The following TMF1 variants were observed in gnomAD, a reference collection of about 807,000 sequenced individuals.
TMF1 encodes TATA element modulatory factor 1.
A neutral mutation model predicts 126.5 loss-of-function variants in TMF1; 71 were observed. That is an observed-to-expected ratio of 0.56 (90% CI 0.46 to 0.68). The LOEUF (loss-of-function observed/expected upper bound fraction) is 0.68. TMF1 is among the 30% of genes least tolerant of loss of function. TMF1 has a pLI of 0.00. For missense variants in TMF1, 1,259 were observed against 1,253.2 expected (o/e 1.00, Z -0.07); for synonymous variants, 461 against 430.5 (o/e 1.07, Z -0.88).
chr3:69,029,167 G>A (rs889604179), intron 11 of TMF1, among the ~76,000 whole-genome samples: 1 of 151,750 alleles, frequency 6.6e-6, no homozygotes, highest in Non-Finnish European at 1.5e-5. Context: ...CCGAGTAGCT[G>A]GAATTACAGG....
intron 8 of TMF1, chr3:69,035,496 A>G: frequency 6.0e-6 from 1 of 166,334 alleles, no homozygotes; most frequent in Non-Finnish European, 1.3e-5. Flanking sequence ...CATACATTAT[A>G]AACTACCATA....
rs1465063845 is a variant in TMF1 at position 69,044,477 on chromosome 3, T to G, written c.1451+15A>C. ...AGAAAATGTGTAACATTATTCACAT[T>G]TGCAGAATACTTACTCTTTCAGGTT... On this transcript the variant is annotated intron_variant, in intron 3 of 16. Transcript: ENST00000398559. 1 of 1,401,620 alleles carries G rather than the reference T, an allele frequency of 7.1e-7. No individual in the cohort carries two copies. The highest frequency in any genetic ancestry group is 1.2e-5 in the South Asian group (1 of 81,180). 86.8% of individuals were successfully genotyped at this position (1,401,620 alleles called of 1,614,324 possible).
At chr3:69,028,326 G>A in intron 11 of TMF1, 31 bp from the exon 12 acceptor site, 1 of 1,507,078 alleles carries the variant, frequency 6.6e-7, no homozygotes, top group African/African-American at 1.4e-5. Context: ...TAAAAAAACA[G>A]AAAATGAAAA....
At chr3:69,034,121 T>C (rs1236653931) in intron 9 of TMF1, among the ~76,000 whole-genome samples, 2 of 152,104 alleles carry the variant, frequency 1.3e-5, no homozygotes, top group African/African-American at 4.8e-5. Context: ...CCCTTAATTA[T>C]TTTTCTAACT....
At chr3:69,032,689 C>T (rs1280301868) in intron 10 of TMF1, among the ~76,000 whole-genome samples, 1 of 150,616 alleles carries the variant, frequency 6.6e-6, no homozygotes, top group African/African-American at 2.4e-5. Flanking sequence ...CAGCTCACTG[C>T]AGCCTCTGCT....
rs772589382 is a variant in TMF1, at chr3:69,025,693, G to C, written c.2879C>G (p.Ser960Ter). 5.6e-6 allele frequency: 9 copies of C among 1,613,708 alleles called. No homozygotes were observed. Among genetic ancestry groups the C allele is most frequent in the Non-Finnish European group, 7.6e-6 (9 of 1,179,854 alleles). ...FLSQDESHDH[S>*]FGPMPISANG... Reference sequence around the variant, plus strand: ...TGCTGATATAGGCATTGGTCCAAATGAGTGATCATGAGACTCATCCTATGT... The same window carrying C: ...TGCTGATATAGGCATTGGTCCAAATCAGTGATCATGAGACTCATCCTATGT... Residue 960 changes from serine (S) to a stop codon, truncating the protein, a stop_gained, in exon 15 of 17, where the codon TCA (serine) becomes TGA (stop). Coordinates refer to ENST00000398559, the MANE Select transcript of TMF1 (RefSeq NM_007114.3). LOFTEE classifies it high-confidence loss of function.
rs2107449534 is a variant in TMF1, at chr3:69,019,937, A to C, written c.*3240T>G. On this transcript the variant is annotated 3_prime_UTR_variant, in exon 17 of 17. Coordinates refer to ENST00000398559, the MANE Select transcript of TMF1 (RefSeq NM_007114.3). ...TTAAATCATACTTTCAGCCCTTTAC[A>C]AAATATGTGATTAAAGTTTTCATGG... 1 of 152,276 alleles carries C rather than the reference A, an allele frequency of 6.6e-6. No individual in the cohort carries two copies. Among genetic ancestry groups the C allele is most frequent in the South Asian group, 2.1e-4 (1 of 4,826 alleles). The allele number at this position is 152,276 out of a possible 1,614,324, so 9.4% of individuals were successfully genotyped here. A position where few individuals can be genotyped will look rare whatever the true frequency, so the allele number is the denominator to read the frequency against.
At position 69,038,988 on chromosome 3, in the gene TMF1, C is replaced by T. The variant is rs763915078; in HGVS notation, c.1849G>A (p.Val617Ile). Residue 617 changes from valine (V) to isoleucine (I), a missense_variant, in exon 7 of 17, where the codon GTT (valine) becomes ATT (isoleucine). Val to Ile is a conservative substitution (Grantham distance 29). Transcript: ENST00000398559. ...LKQVLDGKEEVEKQHRENIKK... is the reference protein window; with the variant it reads ...LKQVLDGKEEIEKQHRENIKK... ...ATATTTTCTCTATGTTGTTTCTCAA[C>T]CTCTTCTTTGCCATCAAGGACCTAT... 6.3e-7 allele frequency: 1 copy of T among 1,598,340 alleles called. No homozygotes were observed. The highest frequency in any genetic ancestry group is 8.5e-7 in the Non-Finnish European group (1 of 1,173,750).
chr3:69,037,769 G>A (rs1485761152), intron 8 of TMF1, among the ~76,000 whole-genome samples: 2 of 151,898 alleles, frequency 1.3e-5, no homozygotes, highest in Non-Finnish European at 2.9e-5. Flanking sequence ...TCGTGCCACT[G>A]TGCTCCAGTC....
Position 69,027,931 on chromosome 3 carries a change from G to T in TMF1, c.2726C>A (p.Ala909Asp). The T allele has an allele frequency of 6.3e-7, 1 of 1,586,446 alleles. No individual in the cohort carries two copies. Among genetic ancestry groups the T allele is most frequent in the Non-Finnish European group, 8.6e-7 (1 of 1,157,470 alleles). ...TTTTATTGTTTCTTGAGTAAAAATGGCTTTCTTCCTTTCTTGTTCAACTTT... is the reference window on the plus strand; with the variant it reads ...TTTTATTGTTTCTTGAGTAAAAATGTCTTTCTTCCTTTCTTGTTCAACTTT... ...RMKVEQERKK[A>D]IFTQETIKEK... Residue 909 changes from alanine (A) to aspartate (D), a missense_variant, in exon 13 of 17, where the codon GCC becomes GAC. Ala to Asp is a moderately radical substitution (Grantham distance 126). Coordinates refer to ENST00000398559, the MANE Select transcript of TMF1 (RefSeq NM_007114.3).
chr3:69,047,498 C>T lies in TMF1; in HGVS notation c.1207G>A (p.Val403Ile). 2.5e-6 allele frequency: 4 copies of T among 1,614,198 alleles called. 1 individual carries two copies. The highest frequency in any genetic ancestry group is 3.3e-4 in the Middle Eastern group (2 of 6,062). ...MEESGRSATPVNCEQPDILVS... is the reference protein window; with the variant it reads ...MEESGRSATPINCEQPDILVS... ...AAGATATCAGGCTGTTCACAGTTAACAGGAGTTGCACTTCGTCCACTTTCT... is the reference window on the plus strand; with the variant it reads ...AAGATATCAGGCTGTTCACAGTTAATAGGAGTTGCACTTCGTCCACTTTCT... Residue 403 changes from valine to isoleucine, a missense_variant, in exon 2 of 17, where the codon GTT becomes ATT. Physicochemically the swap from Val to Ile is conservative, Grantham distance 29 (BLOSUM62 3). Coordinates refer to ENST00000398559, the MANE Select transcript of TMF1 (RefSeq NM_007114.3).
chr3:69,040,814 C>T (rs925578135), intron 5 of TMF1, among the ~76,000 whole-genome samples: 4 of 151,438 alleles, frequency 2.6e-5, no homozygotes, highest in East Asian at 1.9e-4. Flanking sequence ...CTCAGCTATT[C>T]GGGAGGCTGA....
intron 15 of TMF1, chr3:69,024,900 CTTTTCCTT>C (rs1559628125): frequency 2.1e-5 from 3 of 143,082 alleles, no homozygotes; most frequent in African/African-American, 7.9e-5. Flanking sequence ...CTCAATTGAG[CTTTTCCTT>C]TGAGCAGCAT....
chr3:69,051,170 G>A (rs1158281968), intron 1 of TMF1, among the ~76,000 whole-genome samples: 1 of 152,200 alleles, frequency 6.6e-6, no homozygotes, highest in Admixed American at 6.5e-5. Context: ...TCTGGGAGTT[G>A]TTCTGAAGAT....
At position 69,039,568 on chromosome 3, in the gene TMF1, ACTC is replaced by A. The variant is rs1355893946; in HGVS notation, c.1807_1809del (p.Glu603del). The A allele has an allele frequency of 6.2e-7, 1 of 1,610,852 alleles. No homozygotes were observed. Among genetic ancestry groups the A allele is most frequent in the Non-Finnish European group, 8.5e-7 (1 of 1,179,098 alleles). On this transcript the variant is annotated inframe_deletion, in exon 6 of 17. Transcript: ENST00000398559. Reference sequence around the variant, plus strand: ...CTATTCACCTGTTTCAAATGCTGCAACTCCTCTTCTAGCTCTTTAACTTTTTTG... The same window carrying A: ...CTATTCACCTGTTTCAAATGCTGCAACTCTTCTAGCTCTTTAACTTTTTTG...
chr3:69,033,273 C>CAAAAAAAAAAAAAAAAAAAAAAA (rs34778745), intron 10 of TMF1, among the ~76,000 whole-genome samples: 1 of 85,644 alleles, frequency 1.2e-5, no homozygotes, highest in Non-Finnish European at 2.4e-5. Flanking sequence ...GACTCCATCT[C>CAAAAAAAAAAAAAAAAAAAAAAA]AAAAAAAAAA....
In TMF1 at chr3:69,038,795, C is replaced by T. The variant is rs190278169; in HGVS notation, c.1994+48G>A. Reference sequence around the variant, plus strand: ...GAAAAAGTATTTCTTCAACATCCTACTCTGATAATTCATTCTAAATGGGTT... The same window carrying T: ...GAAAAAGTATTTCTTCAACATCCTATTCTGATAATTCATTCTAAATGGGTT... On this transcript the variant is annotated intron_variant, in intron 7 of 16. Transcript: ENST00000398559. 66 of 1,587,784 alleles carry T rather than the reference C, an allele frequency of 4.2e-5. No homozygotes were observed. The East Asian group carries it at 1.3e-3, about 31-fold the overall frequency.
intron 10 of TMF1, among the ~76,000 whole-genome samples, chr3:69,031,602 C>A (rs1294894690): frequency 1.3e-5 from 2 of 152,114 alleles, no homozygotes; most frequent in Non-Finnish European, 2.9e-5. Flanking sequence ...TTTCTTATAA[C>A]TGCACATGAA....
At chr3:69,045,895 C>T (rs975412817) in intron 2 of TMF1, among the ~76,000 whole-genome samples, 27 of 152,030 alleles carry the variant, frequency 1.8e-4, no homozygotes, top group African/African-American at 6.5e-4. Context: ...CTCATCTCTA[C>T]TAAAAATCAA....
Sources: allele counts gnomAD v4.1 joint callset (sites outside exome capture counted in the v4.1 genomes callset), GRCh38; gene constraint gnomAD v4.1.1; transcripts MANE v1.5; gene names NCBI Gene and HGNC (gene_info 2026-07-23, HGNC 2026-07-21).